Variants in DOCK10 observed in about 807,000 individuals in gnomAD.
DOCK10 encodes the protein dedicator of cytokinesis protein 10.
DOCK10 carries 145 observed loss-of-function variants against 280.1 expected under a neutral mutation model. That is an observed-to-expected ratio of 0.52 (90% CI 0.45 to 0.59). DOCK10 has a LOEUF of 0.59. DOCK10 is among the 20% of genes least tolerant of loss of function. The pLI is 0.00. For synonymous variants in DOCK10, 915 were observed against 942.2 expected (o/e 0.97, Z 0.53); for missense variants, 2,368 against 2,651.7 (o/e 0.89, Z 2.35).
At chr2:225,040,848 T>C (rs1690400545) in intron 1 of DOCK10, among the ~76,000 whole-genome samples, 1 of 152,222 alleles carries the variant, frequency 6.6e-6, no homozygotes, top group Non-Finnish European at 1.5e-5. Context: ...TCGAATTGAA[T>C]CTTTTCTTCT....
chr2:224,821,013 C>G (rs1694473039), intron 28 of DOCK10, among the ~76,000 whole-genome samples: 1 of 152,200 alleles, frequency 6.6e-6, no homozygotes, highest in Admixed American at 6.5e-5. Flanking sequence ...ATAAGTAGAG[C>G]TGTGACCCAG....
intron 3 of DOCK10, among the ~76,000 whole-genome samples, chr2:224,908,401 A>G (rs979081882): frequency 2.2e-5 from 3 of 134,806 alleles, no homozygotes; most frequent in Non-Finnish European, 4.6e-5. Flanking sequence ...AAGACAGTAC[A>G]TAATCATCAT....
chr2:224,940,029 G>A lies in DOCK10; in HGVS notation c.124-8361C>T, dbSNP rs188601281. ...CATTCCCATAAGAAGCAGCCTTGGT[G>A]GATTTGACTAATGAAAGCGTCCTGA... On this transcript the variant is annotated intron_variant, in intron 1 of 55. Coordinates refer to ENST00000258390, the MANE Select transcript of DOCK10 (RefSeq NM_014689.3). 3.6e-3 allele frequency among the ~76,000 whole-genome samples: 549 copies of A among 152,248 alleles called. 1 individual carries two copies. The highest frequency in any genetic ancestry group is 4.7e-3 in the Non-Finnish European group (319 of 68,024).
chr2:224,894,008 T>C (rs1699849173), intron 4 of DOCK10, among the ~76,000 whole-genome samples: 2 of 152,224 alleles, frequency 1.3e-5, no homozygotes, highest in Admixed American at 1.3e-4. Flanking sequence ...CTGGGGTATA[T>C]CTGAAAGGGT....
chr2:224,797,199 G>A (rs1277837481), intron 42 of DOCK10, 53 bp from the exon 43 acceptor site: 7 of 1,297,646 alleles, frequency 5.4e-6, no homozygotes, highest in Middle Eastern at 2.1e-4. Flanking sequence ...ATTTTGCTCT[G>A]TTCATTCTCA....
intron 1 of DOCK10, among the ~76,000 whole-genome samples, chr2:225,008,907 C>T (rs529882644): frequency 6.6e-6 from 1 of 152,350 alleles, no homozygotes; most frequent in South Asian, 2.1e-4. Context: ...TAAACAAGCA[C>T]CGTTTCCACC....
chr2:224,987,513 G>T (rs1706005683), intron 1 of DOCK10, among the ~76,000 whole-genome samples: 1 of 152,130 alleles, frequency 6.6e-6, no homozygotes, highest in Non-Finnish European at 1.5e-5. Context: ...TAGCATAGGT[G>T]TCAGCACCTC....
At chr2:224,798,840 C>T (rs1470055616) in intron 41 of DOCK10, among the ~76,000 whole-genome samples, 1 of 151,984 alleles carries the variant, frequency 6.6e-6, no homozygotes, top group Non-Finnish European at 1.5e-5. Context: ...CACTATATTG[C>T]CCAGGTTGGT....
intron 51 of DOCK10, 132 bp downstream of exon 51, chr2:224,778,006 C>T: frequency 1.1e-6 from 1 of 913,982 alleles, no homozygotes; most frequent in South Asian, 1.9e-5. Flanking sequence ...AACAGGCAAA[C>T]AAGCAAAACA....
At chr2:224,833,655 ATCTCTC>A (rs57683084) in intron 26 of DOCK10, among the ~76,000 whole-genome samples, 2 of 149,154 alleles carry the variant, frequency 1.3e-5, no homozygotes, top group Non-Finnish European at 3.0e-5. Context: ...CTATCTATGT[ATCTCTC>A]TCTCTCTCTC....
At position 224,770,595 on chromosome 2, in the gene DOCK10, A is replaced by G. The variant is rs1325780271; in HGVS notation, c.6255T>C (p.Asn2085=). The change falls in exon 54 of 56, where the codon AAT becomes AAC. Residue 2085 remains asparagine, a synonymous_variant. Transcript: ENST00000258390. This position sits in a 1 kb window ranked among gnomAD's most constrained non-coding sequence, Gnocchi z 4.5. ...CTTGGTTGTCAGGGTACTTCTTTGCATTGGTTTCTTCAAGAAAAGCTCGTG... is the reference window on the plus strand; with the variant it reads ...CTTGGTTGTCAGGGTACTTCTTTGCGTTGGTTTCTTCAAGAAAAGCTCGTG... ...AYARAFLEET[N]AKKYPDNQVK... 6.2e-7 allele frequency: 1 copy of G among 1,613,888 alleles called. No homozygotes were observed. Among genetic ancestry groups the G allele is most frequent in the Admixed American group, 1.7e-5 (1 of 60,010 alleles).
intron 1 of DOCK10, among the ~76,000 whole-genome samples, chr2:224,969,190 G>T (rs922643623): frequency 2.0e-5 from 3 of 152,178 alleles, no homozygotes; most frequent in Non-Finnish European, 4.4e-5. Context: ...GGGGGTACCA[G>T]ATTTCTCTGG....
At chr2:224,938,314 C>G (rs560217587) in intron 1 of DOCK10, among the ~76,000 whole-genome samples, 1 of 152,184 alleles carries the variant, frequency 6.6e-6, no homozygotes, top group South Asian at 2.1e-4. Context: ...AGAATTAATC[C>G]TGTATCTGAG....
chr2:224,999,063 T>C (rs1706352643), intron 1 of DOCK10, among the ~76,000 whole-genome samples: 1 of 152,138 alleles, frequency 6.6e-6, no homozygotes, highest in African/African-American at 2.4e-5. Context: ...GGTATACACC[T>C]GTAGTCCCAG....
chr2:225,019,146 G>T (rs1248005353), intron 1 of DOCK10, among the ~76,000 whole-genome samples: 4 of 151,922 alleles, frequency 2.6e-5, no homozygotes, highest in African/African-American at 7.3e-5. Flanking sequence ...CAGCCTCATG[G>T]GTTGGGTCGC....
intron 27 of DOCK10, among the ~76,000 whole-genome samples, chr2:224,826,641 T>C (rs904061819): frequency 1.3e-5 from 2 of 152,126 alleles, no homozygotes; most frequent in Admixed American, 6.5e-5. Context: ...GTAATCCCAG[T>C]ACTTTGGGAG....
chr2:224,912,597 T>C (rs1701087776), intron 3 of DOCK10, among the ~76,000 whole-genome samples: 2 of 152,226 alleles, frequency 1.3e-5, no homozygotes, highest in Admixed American at 6.5e-5. Flanking sequence ...GCCAATGTTA[T>C]GAGTTTGATG....
chr2:224,822,445 A>G (rs1454405836), intron 28 of DOCK10, among the ~76,000 whole-genome samples: 2 of 152,188 alleles, frequency 1.3e-5, no homozygotes, highest in Non-Finnish European at 2.9e-5. Flanking sequence ...AATGTAAAAA[A>G]CAGCGTGGGT....
chr2:224,895,833 GT>G (rs747157513), intron 4 of DOCK10, among the ~76,000 whole-genome samples: 1,066 of 59,744 alleles, frequency 0.018, 11 homozygotes, highest in Non-Finnish European at 0.023. Flanking sequence ...GTGTGTGTGC[GT>G]GTGTGTGTAT....
Sources: allele counts gnomAD v4.1 joint callset (sites outside exome capture counted in the v4.1 genomes callset), GRCh38; gene constraint gnomAD v4.1.1; non-coding constraint Gnocchi (gnomAD v3.1); transcripts MANE v1.5; gene names NCBI Gene and HGNC (gene_info 2026-07-23, HGNC 2026-07-21).